GDAP1: variants seen among roughly 807,000 people sequenced by gnomAD.
GDAP1 encodes ganglioside induced differentiation associated protein 1.
In GDAP1, 34 loss-of-function variants were observed where a neutral mutation model predicts 40.1. That is an observed-to-expected ratio of 0.85 (90% CI 0.64 to 1.13). The LOEUF is 1.13. Among genes scored for constraint, GDAP1 ranks in the 50% most tolerant of loss-of-function variants. GDAP1 has a pLI of 0.00. For synonymous variants in GDAP1, 170 were observed against 157.4 expected (o/e 1.08, Z -0.60); for missense variants, 374 against 433.7 (o/e 0.86, Z 1.22).
intron 2 of GDAP1, among the ~76,000 whole-genome samples, chr8:74,408,354 G>A (rs545612162): frequency 1.3e-5 from 2 of 150,322 alleles, no homozygotes; most frequent in African/African-American, 5.0e-5. Context: ...CTGAATGTTT[G>A]TGTTGCTCTA....
At chr8:74,407,800 C>T (rs1473314470) in intron 2 of GDAP1, among the ~76,000 whole-genome samples, 1 of 148,868 alleles carries the variant, frequency 6.7e-6, no homozygotes, top group Non-Finnish European at 1.5e-5. Flanking sequence ...CTGGCAATAC[C>T]TTGACAATTG....
intron 2 of GDAP1, among the ~76,000 whole-genome samples, chr8:74,379,191 G>A (rs1586815257): frequency 1.4e-5 from 1 of 72,116 alleles, no homozygotes; most frequent in African/African-American, 5.0e-5. Context: ...AAATATGAGG[G>A]TTCCATATGA....
chr8:74,475,619 T>C (rs961663396), intron 2 of GDAP1, among the ~76,000 whole-genome samples: 1 of 152,112 alleles, frequency 6.6e-6, no homozygotes, highest in Non-Finnish European at 1.5e-5. Context: ...GTCTTGAATG[T>C]TATTTTTATT....
In GDAP1 at chr8:74,351,413, T is replaced by A. The variant is rs766741386; in HGVS notation, c.257T>A (p.Ile86Lys). 17 of 1,613,978 alleles carry A rather than the reference T, an allele frequency of 1.1e-5. No individual in the cohort carries two copies. In the Admixed American group the frequency reaches 2.8e-4, roughly 27 times the overall value. Residue 86 changes from isoleucine (I) to lysine (K), a missense_variant, in exon 2 of 6, where the codon ATA becomes AAA. Coordinates refer to ENST00000220822, the MANE Select transcript of GDAP1 (RefSeq NM_018972.4). ...EVPVLIHGENIICEATQIIDY... is the reference protein window; with the variant it reads ...EVPVLIHGENKICEATQIIDY... ...CCTGTCCTTATCCACGGGGAAAACA[T>A]AATTTGTGAGGCCACTCAGATCATT...
intron 2 of GDAP1, among the ~76,000 whole-genome samples, chr8:74,422,518 T>G (rs1427756723): frequency 1.4e-5 from 2 of 141,344 alleles, no homozygotes; most frequent in African/African-American, 2.6e-5. Flanking sequence ...CTTCCTTCCT[T>G]CCTTCCTTCC....
intron 2 of GDAP1, among the ~76,000 whole-genome samples, chr8:74,444,191 TGCACACACACACACACACGCGC>T (rs767125743): frequency 0.074 from 7,901 of 107,340 alleles, 719 homozygotes; most frequent in African/African-American, 0.23. Context: ...GGCAGGCAAA[TGCACACACACACACACACGCGC>T]GCACACACAC....
rs1455180529 is a variant in GDAP1, at chr8:74,391,223, G to A, written c.165+39902G>A. Among the ~76,000 whole-genome samples the A allele has an allele frequency of 2.0e-5, 3 of 151,504 alleles. No individual in the cohort carries two copies. The East Asian group carries it at 5.8e-4, about 29-fold the overall frequency. On this transcript the variant is annotated intron_variant, in intron 2 of 2. Coordinates refer to the GDAP1 transcript ENST00000523640. ...CGCTGGCATTCCAGGCGCTAGTGGG[G>A]TATGAAAAAAAAAACTCCTACAGCT...
intron 2 of GDAP1, among the ~76,000 whole-genome samples, chr8:74,421,183 C>T (rs1407955930): frequency 6.6e-6 from 1 of 152,178 alleles, no homozygotes; most frequent in African/African-American, 2.4e-5. Flanking sequence ...CTGATCTGTG[C>T]AGAGGCAAGG....
rs146328003 is a variant in GDAP1 at position 74,459,918 on chromosome 8, C to G, written c.166-28760C>G. Among the ~76,000 whole-genome samples, 101 of 152,292 alleles carry G rather than the reference C, an allele frequency of 6.6e-4. 2 individuals carry two copies. The East Asian group carries it at 0.016, about 24-fold the overall frequency. On this transcript the variant is annotated intron_variant, in intron 2 of 2. Coordinates refer to the GDAP1 transcript ENST00000523640. ...GCAACATAATTCTGAATAAATTACTCTTATGCCACCACTGGATTACTTCCT... is the reference window on the plus strand; with the variant it reads ...GCAACATAATTCTGAATAAATTACTGTTATGCCACCACTGGATTACTTCCT...
At chr8:74,353,557 T>C (rs1808972924) in intron 2 of GDAP1, among the ~76,000 whole-genome samples, 1 of 152,192 alleles carries the variant, frequency 6.6e-6, no homozygotes, top group South Asian at 2.1e-4. Flanking sequence ...TCATGGAGAA[T>C]GAAAGTCAGA....
chr8:74,413,658 C>G lies in GDAP1; in HGVS notation c.165+62337C>G, dbSNP rs114859022. Reference sequence around the variant, plus strand: ...TAGGAGCCTAAATCTCTGAGGGAGGCGATCTTCCTTTTTGATTAGAGAAGG... The same window carrying G: ...TAGGAGCCTAAATCTCTGAGGGAGGGGATCTTCCTTTTTGATTAGAGAAGG... On this transcript the variant is annotated intron_variant, in intron 2 of 2. Transcript: ENST00000523640. Among the ~76,000 whole-genome samples the G allele has an allele frequency of 6.0e-3, 889 of 148,506 alleles. 87 individuals carry two copies. The highest frequency in any genetic ancestry group is 0.022 in the African/African-American group (830 of 38,410).
At chr8:74,374,336 C>A (rs553925676) in intron 2 of GDAP1, among the ~76,000 whole-genome samples, 1 of 152,242 alleles carries the variant, frequency 6.6e-6, no homozygotes, top group South Asian at 2.1e-4. Context: ...GGAATGGTAC[C>A]AGCTCTTCCT....
intron 2 of GDAP1, among the ~76,000 whole-genome samples, chr8:74,420,119 TTGTTTTGGCTG>T (rs1245647641): frequency 6.6e-6 from 1 of 152,186 alleles, no homozygotes; most frequent in Non-Finnish European, 1.5e-5. Flanking sequence ...TTTTTCTGGA[TTGTTTTGGCTG>T]TTTGGGATCC....
chr8:74,480,709 T>A (rs1052814449), intron 2 of GDAP1, among the ~76,000 whole-genome samples: 1 of 152,252 alleles, frequency 6.6e-6, no homozygotes, highest in Admixed American at 6.5e-5. Flanking sequence ...CAACTTTTAA[T>A]GTCAAGTATG....
intron 2 of GDAP1, among the ~76,000 whole-genome samples, chr8:74,477,395 G>A (rs1339028486): frequency 6.6e-6 from 1 of 152,036 alleles, no homozygotes; most frequent in African/African-American, 2.4e-5. Context: ...CAGAGTTCTT[G>A]TGCTGGTTCT....
At chr8:74,363,963 C>A in intron 5 of GDAP1, 22 bp from the exon 6 acceptor site, 1 of 1,612,136 alleles carries the variant, frequency 6.2e-7, no homozygotes, top group South Asian at 1.1e-5. Flanking sequence ...CTCTAATTCT[C>A]TATGTCCCTT....
At chr8:74,375,263 G>T (rs1445098349) in intron 2 of GDAP1, among the ~76,000 whole-genome samples, 2 of 152,012 alleles carry the variant, frequency 1.3e-5, no homozygotes, top group African/African-American at 2.4e-5. Context: ...GGAGGCAGAG[G>T]TTGCAGTGAG....
At chr8:74,440,543 G>A (rs769969840) in intron 2 of GDAP1, among the ~76,000 whole-genome samples, 5 of 150,260 alleles carry the variant, frequency 3.3e-5, no homozygotes, top group East Asian at 1.9e-4. Context: ...CCTATCTCTC[G>A]TATTATTGAG....
chr8:74,397,360 A>G (rs1272703332), intron 2 of GDAP1, among the ~76,000 whole-genome samples: 1 of 152,024 alleles, frequency 6.6e-6, no homozygotes, highest in Non-Finnish European at 1.5e-5. Flanking sequence ...CTTTAGTTTA[A>G]TTAGATTCCA....
Sources: gnomAD v4.1 joint callset for allele counts (sites outside exome capture counted in the v4.1 genomes callset) on GRCh38, gnomAD v4.1.1 for gene constraint, MANE v1.5 for transcripts, NCBI Gene and HGNC (gene_info 2026-07-23, HGNC 2026-07-21) for gene names.